The following L3MBTL3 variants were observed in gnomAD, a reference collection of about 807,000 sequenced individuals.
L3MBTL3 encodes L3MBTL histone methyl-lysine binding protein 3.
In L3MBTL3, 27 loss-of-function variants were observed where a neutral mutation model predicts 102.3. The ratio of observed to expected loss-of-function variants is 0.26; its 90% confidence interval spans 0.19 to 0.36. The LOEUF is 0.36. Among genes scored for constraint, L3MBTL3 ranks in the 10% least tolerant of loss-of-function variants. The probability of loss-of-function intolerance (pLI) is 1.00; values close to 1 mark genes in which losing one functional copy is unlikely to be tolerated. For synonymous variants in L3MBTL3, 340 were observed against 320.9 expected (o/e 1.06, Z -0.64); for missense variants, 798 against 955.3 (o/e 0.84, Z 2.17).
chr6:130,049,621 A>T, intron 4 of L3MBTL3, 135 bp from the exon 5 acceptor site: 1 of 976,138 alleles, frequency 1.0e-6, no homozygotes, highest in Non-Finnish European at 1.6e-6. Flanking sequence ...GCACAAGGTT[A>T]GTTGGAAATT....
chr6:130,034,334 G>A (rs917571575), intron 2 of L3MBTL3, among the ~76,000 whole-genome samples: 22 of 152,130 alleles, frequency 1.4e-4, no homozygotes, highest in Middle Eastern at 3.4e-3. Flanking sequence ...AATTCCTTCC[G>A]TAAAATTGCT....
intron 19 of L3MBTL3, among the ~76,000 whole-genome samples, chr6:130,108,556 G>T (rs1785145466): frequency 6.6e-6 from 1 of 151,888 alleles, no homozygotes; most frequent in African/African-American, 2.4e-5. Context: ...TATTAGTGTT[G>T]TTGAAAGAGA....
At chr6:130,032,717 G>A (rs937457928) in intron 2 of L3MBTL3, among the ~76,000 whole-genome samples, 3 of 152,196 alleles carry the variant, frequency 2.0e-5, no homozygotes, top group Non-Finnish European at 2.9e-5. Flanking sequence ...CAGGCTGGGC[G>A]TGGTGGCTCA....
At chr6:130,070,153 G>C (rs1170523833) in intron 12 of L3MBTL3, among the ~76,000 whole-genome samples, 3 of 151,328 alleles carry the variant, frequency 2.0e-5, no homozygotes, top group Non-Finnish European at 4.4e-5. Context: ...GGAATGACTT[G>C]TAGTGTGTTG....
intron 9 of L3MBTL3, among the ~76,000 whole-genome samples, chr6:130,058,799 G>T (rs1215794725): frequency 6.6e-6 from 1 of 152,172 alleles, no homozygotes; most frequent in Non-Finnish European, 1.5e-5. Context: ...TGGTGCACTG[G>T]CTTTGACCCG....
intron 1 of L3MBTL3, among the ~76,000 whole-genome samples, 168 bp from the exon 2 acceptor site, chr6:130,022,059 C>T (rs1779053522): frequency 6.6e-6 from 1 of 152,198 alleles, no homozygotes; most frequent in Non-Finnish European, 1.5e-5. Flanking sequence ...TCCATTTCAA[C>T]TCATCTAGAA....
intron 10 of L3MBTL3, among the ~76,000 whole-genome samples, chr6:130,061,799 G>A (rs1265594198): frequency 6.6e-6 from 1 of 152,092 alleles, no homozygotes; most frequent in East Asian, 1.9e-4. Flanking sequence ...CTAAGAGGTG[G>A]GTGCAGGAGA....
At chr6:130,070,427 G>A (rs1393181473) in intron 12 of L3MBTL3, among the ~76,000 whole-genome samples, 2 of 152,180 alleles carry the variant, frequency 1.3e-5, no homozygotes, top group African/African-American at 4.8e-5. Context: ...AAATATATCT[G>A]TAGTGTTGAG....
intron 22 of L3MBTL3, among the ~76,000 whole-genome samples, chr6:130,136,910 T>C (rs1787745924): frequency 6.6e-6 from 1 of 152,192 alleles, no homozygotes; most frequent in South Asian, 2.1e-4. Flanking sequence ...GAGCCGCTGC[T>C]CCTGGCCAAC....
intron 9 of L3MBTL3, among the ~76,000 whole-genome samples, chr6:130,059,514 T>C (rs1283330580): frequency 4.6e-5 from 7 of 152,250 alleles, no homozygotes; most frequent in Admixed American, 4.6e-4. Context: ...TGCTATATGC[T>C]TTACTGAATA....
intron 1 of L3MBTL3, among the ~76,000 whole-genome samples, chr6:130,019,619 GCACA>G (rs947014583): frequency 1.3e-5 from 2 of 150,588 alleles, no homozygotes; most frequent in African/African-American, 2.4e-5. Flanking sequence ...CCGCGCACAC[GCACA>G]CTCACACGCA....
chr6:130,137,185 C>T (rs868059204), intron 22 of L3MBTL3, among the ~76,000 whole-genome samples: 2 of 152,082 alleles, frequency 1.3e-5, no homozygotes, highest in East Asian at 1.9e-4. Context: ...ACTGTGGTTT[C>T]GAGTTAAGGC....
At chr6:130,065,738 T>C (rs771769358) in intron 10 of L3MBTL3, among the ~76,000 whole-genome samples, 2 of 152,204 alleles carry the variant, frequency 1.3e-5, no homozygotes, top group Non-Finnish European at 2.9e-5. Context: ...CGTAAGCCTA[T>C]ATGACCTTCT....
intron 10 of L3MBTL3, among the ~76,000 whole-genome samples, chr6:130,062,811 A>T (rs1004794361): frequency 1.3e-5 from 2 of 151,604 alleles, no homozygotes; most frequent in East Asian, 1.9e-4. Context: ...TCAAAAAAAA[A>T]AAAAGGTCCA....
chr6:130,098,093 C>T (rs1465849141), intron 18 of L3MBTL3, among the ~76,000 whole-genome samples: 1 of 152,002 alleles, frequency 6.6e-6, no homozygotes, highest in East Asian at 1.9e-4. Flanking sequence ...ACATTCTGCA[C>T]ATCAAGTGCC....
At chr6:130,033,850 A>G (rs1209666796) in intron 2 of L3MBTL3, among the ~76,000 whole-genome samples, 1 of 152,268 alleles carries the variant, frequency 6.6e-6, no homozygotes, top group African/African-American at 2.4e-5. Flanking sequence ...ATGAATGTTA[A>G]CTAGCCATTC....
intron 2 of L3MBTL3, among the ~76,000 whole-genome samples, chr6:130,023,752 A>G (rs1441497685): frequency 1.3e-5 from 2 of 152,196 alleles, no homozygotes; most frequent in African/African-American, 2.4e-5. Context: ...CAGCTTTATG[A>G]AGGGCTGGAG....
At chr6:130,031,357 G>A (rs1218967654) in intron 2 of L3MBTL3, among the ~76,000 whole-genome samples, 1 of 152,136 alleles carries the variant, frequency 6.6e-6, no homozygotes, top group Non-Finnish European at 1.5e-5. Context: ...AATTTATTTT[G>A]TATAGCTCAG....
chr6:130,084,285 T>C (rs1320758642), intron 15 of L3MBTL3, among the ~76,000 whole-genome samples: 1 of 152,156 alleles, frequency 6.6e-6, no homozygotes, highest in Admixed American at 6.5e-5. Context: ...ATATTTCTCA[T>C]TTTTTCATCT....
Sources: gnomAD v4.1 joint callset for allele counts (sites outside exome capture counted in the v4.1 genomes callset) on GRCh38, gnomAD v4.1.1 for gene constraint, MANE v1.5 for transcripts, NCBI Gene and HGNC (gene_info 2026-07-23, HGNC 2026-07-21) for gene names.